The following CDK14 variants were observed in gnomAD, a reference collection of about 807,000 sequenced individuals.
The protein encoded by CDK14 is cyclin-dependent kinase 14.
Under a neutral mutation model 60.7 loss-of-function variants are expected in CDK14, and 34 were observed. The observed-to-expected ratio is 0.56, with a 90% confidence interval of 0.43 to 0.75. CDK14 has a LOEUF of 0.75. CDK14 is among the 30% of genes least tolerant of loss of function. CDK14 has a pLI of 0.00. For missense variants in CDK14, 482 were observed against 564.1 expected, an observed-to-expected ratio of 0.85 and a Z score of 1.47; for synonymous variants, 197 against 203.7, an observed-to-expected ratio of 0.97 and a Z score of 0.28.
At chr7:90,921,336 T>A (rs1229824644) in intron 8 of CDK14, among the ~76,000 whole-genome samples, 1 of 152,096 alleles carries the variant, frequency 6.6e-6, no homozygotes, top group African/African-American at 2.4e-5. Context: ...ATAGAAGTTA[T>A]AGTTCATGTC....
intron 5 of CDK14, among the ~76,000 whole-genome samples, chr7:90,841,669 C>CACACAA (rs1166335819): frequency 6.6e-6 from 1 of 151,076 alleles, no homozygotes; most frequent in Non-Finnish European, 1.5e-5. Flanking sequence ...TACACACACA[C>CACACAA]ACACACACAC....
intron 14 of CDK14, among the ~76,000 whole-genome samples, chr7:91,167,098 T>G (rs1183991826): frequency 6.6e-6 from 1 of 152,096 alleles, no homozygotes; most frequent in African/African-American, 2.4e-5. Context: ...AAAGACAATC[T>G]CTGAGTTTAT....
chr7:90,750,723 A>C (rs1562752558), intron 4 of CDK14, among the ~76,000 whole-genome samples: 1 of 152,076 alleles, frequency 6.6e-6, no homozygotes, highest in African/African-American at 2.4e-5. Context: ...AAACAGAAAA[A>C]TTAGCTAGGT....
intron 12 of CDK14, among the ~76,000 whole-genome samples, chr7:91,104,944 A>T (rs1038707648): frequency 1.1e-4 from 17 of 152,236 alleles, no homozygotes; most frequent in African/African-American, 3.6e-4. Context: ...AGACTTAAAA[A>T]TTATAAGCAT....
In CDK14 at chr7:90,671,859, T is replaced by A. The variant is rs777927611; in HGVS notation, c.124-54708T>A. Among the ~76,000 whole-genome samples the A allele has an allele frequency of 1.5e-4, 23 of 152,354 alleles. No individual in the cohort carries two copies. In the Middle Eastern group the frequency reaches 0.014, roughly 90 times the overall value. On this transcript the variant is annotated intron_variant, in intron 2 of 14. Coordinates refer to ENST00000380050, the MANE Select transcript of CDK14 (RefSeq NM_001287135.2). ...ATATGGTATAAGCTCACTAAAAGTT[T>A]GCTGTTTAAAACTGAGGATGCCTTA...
intron 5 of CDK14, among the ~76,000 whole-genome samples, chr7:90,804,238 T>A (rs1788745328): frequency 6.6e-6 from 1 of 152,192 alleles, no homozygotes; most frequent in Non-Finnish European, 1.5e-5. Context: ...TATTTTGTCT[T>A]TAGTTTTTTC....
chr7:91,005,542 A>G (rs1200962755), intron 10 of CDK14, among the ~76,000 whole-genome samples: 1 of 152,226 alleles, frequency 6.6e-6, no homozygotes, highest in African/African-American at 2.4e-5. Flanking sequence ...AATACATATC[A>G]TTTTATTATT....
intron 2 of CDK14, among the ~76,000 whole-genome samples, chr7:90,647,778 C>T (rs2116462048): frequency 6.6e-6 from 1 of 152,164 alleles, no homozygotes; most frequent in East Asian, 1.9e-4. Flanking sequence ...ATCACTTGAG[C>T]CCAGGAGTTC....
chr7:91,155,560 A>C (rs1196028423), intron 14 of CDK14, among the ~76,000 whole-genome samples: 4 of 152,132 alleles, frequency 2.6e-5, no homozygotes, highest in Non-Finnish European at 5.9e-5. Context: ...TAGTTCTCCA[A>C]CTCACAGTGT....
intron 5 of CDK14, among the ~76,000 whole-genome samples, chr7:90,809,218 G>T (rs1204712982): frequency 1.3e-5 from 2 of 152,090 alleles, no homozygotes; most frequent in African/African-American, 2.4e-5. Context: ...CACATAGTTG[G>T]AAGTAAAGCT....
At chr7:90,835,713 T>C (rs1208950699) in intron 5 of CDK14, among the ~76,000 whole-genome samples, 12 of 152,138 alleles carry the variant, frequency 7.9e-5, no homozygotes, top group Admixed American at 7.9e-4. Context: ...CAGTACAGTT[T>C]GTGGGTATAT....
chr7:90,822,220 A>G (rs1345471929), intron 5 of CDK14, among the ~76,000 whole-genome samples: 2 of 152,160 alleles, frequency 1.3e-5, no homozygotes, highest in Non-Finnish European at 2.9e-5. Flanking sequence ...TTACTCCTTG[A>G]TTATATTTGT....
In CDK14 at chr7:90,762,553, A is replaced by G. The variant is rs148771985; in HGVS notation, c.464+14778A>G. On this transcript the variant is annotated intron_variant, in intron 4 of 14. Coordinates refer to ENST00000380050, the MANE Select transcript of CDK14 (RefSeq NM_001287135.2). ...AAATGTAATTGGTCTAAAGATACCA[A>G]TTAAAAGACAGAGATTGTCAGGGTG... is the stretch of plus-strand genomic sequence containing the variant. 4.5e-3 allele frequency among the ~76,000 whole-genome samples: 691 copies of G among 152,362 alleles called. 7 individuals are homozygous for G. The highest frequency in any genetic ancestry group is 0.013 in the African/African-American group (557 of 41,586).
chr7:90,748,159 G>T (rs535275317), intron 4 of CDK14, among the ~76,000 whole-genome samples: 2 of 152,064 alleles, frequency 1.3e-5, no homozygotes, highest in Admixed American at 6.5e-5. Context: ...CATTCTTGGG[G>T]TCTTTTTAAG....
chr7:90,725,219 C>T (rs1802591213), intron 2 of CDK14, among the ~76,000 whole-genome samples: 1 of 152,126 alleles, frequency 6.6e-6, no homozygotes, highest in Admixed American at 6.6e-5. Context: ...AAAATTCACA[C>T]AAGAGTGTAC....
In CDK14 at chr7:90,695,073, T is replaced by C. The variant is rs150237227; in HGVS notation, c.124-31494T>C. On this transcript the variant is annotated intron_variant, in intron 2 of 14. Coordinates refer to ENST00000380050, the MANE Select transcript of CDK14 (RefSeq NM_001287135.2). Reference sequence around the variant, plus strand: ...CACCCTGTTGCCTACAAGATGACACTCAACTCAGGCGGGCACACAGGACCC... The same window carrying C: ...CACCCTGTTGCCTACAAGATGACACCCAACTCAGGCGGGCACACAGGACCC... 5.7e-3 allele frequency among the ~76,000 whole-genome samples: 871 copies of C among 152,282 alleles called. 14 individuals are homozygous for C. Among genetic ancestry groups the C allele is most frequent in the African/African-American group, 0.02 (837 of 41,552 alleles).
Position 90,830,060 on chromosome 7 carries a change from CA to C in CDK14, c.545-33114del, listed in dbSNP as rs1789865628. On this transcript the variant is annotated intron_variant, in intron 5 of 14. Coordinates refer to ENST00000380050, the MANE Select transcript of CDK14 (RefSeq NM_001287135.2). ...ATCTACCATTCTGGGGTCTGGAGAA[CA>C]GCGGCCTTCTTCTCACAGCTCCACT... is the stretch of plus-strand genomic sequence containing the variant. Among the ~76,000 whole-genome samples, 4 of 152,280 alleles carry C rather than the reference CA, an allele frequency of 2.6e-5. No homozygotes were observed. In the South Asian group the frequency reaches 8.3e-4, roughly 32 times the overall value.
chr7:90,633,808 A>G (rs1762427312), intron 2 of CDK14, among the ~76,000 whole-genome samples: 1 of 152,038 alleles, frequency 6.6e-6, no homozygotes, highest in Non-Finnish European at 1.5e-5. Context: ...GGTATTTCTT[A>G]AAGCAGTAGA....
At chr7:90,740,634 C>T (rs1231641581) in intron 3 of CDK14, among the ~76,000 whole-genome samples, 1 of 152,174 alleles carries the variant, frequency 6.6e-6, no homozygotes, top group Non-Finnish European at 1.5e-5. Flanking sequence ...GCTTCCAAAA[C>T]TGTGAACAAA....
Sources: gnomAD v4.1 joint callset for allele counts (sites outside exome capture counted in the v4.1 genomes callset) on GRCh38, gnomAD v4.1.1 for gene constraint, MANE v1.5 for transcripts, NCBI Gene and HGNC (gene_info 2026-07-23, HGNC 2026-07-21) for gene names.